SUSD1: variants seen among roughly 807,000 people sequenced by gnomAD.
SUSD1 encodes the protein sushi domain containing 1.
Under a neutral mutation model 86.9 loss-of-function variants are expected in SUSD1, and 65 were observed. That is an observed-to-expected ratio of 0.75 (90% confidence interval 0.61 to 0.92). SUSD1 has a LOEUF of 0.92. Ranked by LOEUF, SUSD1 falls within the 40% of genes least tolerant of loss-of-function variation. The pLI is 0.00. For missense variants in SUSD1, 850 were observed against 929.7 expected (o/e 0.91, Z 1.11); for synonymous variants, 346 against 350.0 (o/e 0.99, Z 0.13).
At position 112,113,654 on chromosome 9, in the gene SUSD1, G is replaced by A. The variant is rs1564306840; in HGVS notation, c.887-786C>T. On this transcript the variant is annotated intron_variant, in intron 6 of 16. Transcript: ENST00000374270. The surrounding 1 kb of genome is among the most constrained non-coding windows in gnomAD (Gnocchi z 4.1). Reference sequence around the variant, plus strand: ...TTTCTTTGAAATCAAATTCCCAGCCGAGTGCAGTGGCTCACACCTGTAATC... The same window carrying A: ...TTTCTTTGAAATCAAATTCCCAGCCAAGTGCAGTGGCTCACACCTGTAATC... 2.6e-5 allele frequency among the ~76,000 whole-genome samples: 4 copies of A among 152,264 alleles called. No homozygotes were observed. Among genetic ancestry groups the A allele is most frequent in the Admixed American group, 1.3e-4 (2 of 15,278 alleles).
chr9:112,047,682 G>A (rs943969060), intron 15 of SUSD1, among the ~76,000 whole-genome samples: 11 of 152,090 alleles, frequency 7.2e-5, no homozygotes, highest in Non-Finnish European at 1.2e-4. Context: ...TCTTGCTCTG[G>A]AGGGGCTGTA....
Position 112,152,442 on chromosome 9 carries a change from C to T in SUSD1, c.218-3043G>A, listed in dbSNP as rs995288407. On this transcript the variant is annotated intron_variant, in intron 2 of 16. Transcript: ENST00000374270. ...CTGGAGACAGGGTCTTGCTCTGTCA[C>T]CCTGACTGGAGTGCAGTGGTGTGAT... Among the ~76,000 whole-genome samples, 22 of 151,420 alleles carry T rather than the reference C, an allele frequency of 1.5e-4. 1 individual carries two copies. The highest frequency in any genetic ancestry group is 3.2e-3 in the Middle Eastern group (1 of 316).
At chr9:112,111,315 T>C (rs754964737) in intron 8 of SUSD1, among the ~76,000 whole-genome samples, 4 of 152,164 alleles carry the variant, frequency 2.6e-5, no homozygotes, top group Non-Finnish European at 5.9e-5. Context: ...TTGAGTTTAC[T>C]ACCAAAGATA....
At chr9:112,112,194 G>A (rs777769908) in intron 7 of SUSD1, 12 of 198,348 alleles carry the variant, frequency 6.0e-5, no homozygotes, top group South Asian at 3.0e-4. Flanking sequence ...ACAAGCAATC[G>A]TGAGGATGCC....
chr9:112,153,193 G>A (rs1833141350), intron 2 of SUSD1, among the ~76,000 whole-genome samples: 1 of 149,924 alleles, frequency 6.7e-6, no homozygotes, highest in African/African-American at 2.5e-5. Flanking sequence ...CTTGAGCCCA[G>A]GAGGCTGAGG....
At chr9:112,121,517 AT>A (rs1416999886) in intron 6 of SUSD1, among the ~76,000 whole-genome samples, 1 of 152,228 alleles carries the variant, frequency 6.6e-6, no homozygotes, top group African/African-American at 2.4e-5. Flanking sequence ...CAAATAGTGT[AT>A]GCTAAATAGA....
chr9:112,064,055 G>GGGC (rs1251584196), intron 12 of SUSD1, among the ~76,000 whole-genome samples: 14 of 136,854 alleles, frequency 1.0e-4, no homozygotes, highest in Admixed American at 1.0e-3. Flanking sequence ...TTGGGGGGGG[G>GGGC]GCGGGTGGGG....
Position 112,041,151 on chromosome 9 carries a change from C to A in SUSD1, c.*341G>T. The A allele has an allele frequency of 2.1e-6, 1 of 472,174 alleles. No homozygotes were observed. The highest frequency in any genetic ancestry group is 4.1e-5 in the South Asian group (1 of 24,354). The allele number at this position is 472,174 out of a possible 1,614,324, so 29.2% of individuals were successfully genotyped here. A position where few individuals can be genotyped will look rare whatever the true frequency, so the allele number is the denominator to read the frequency against. ...GCAGTCAATGTCTAGAGGAGCTGAC[C>A]CTCAGGCATCACTCAGAGGAAGTCC... On this transcript the variant is annotated 3_prime_UTR_variant, in exon 17 of 17. Transcript: ENST00000374270.
At chr9:112,169,242 A>G (rs1833940811) in intron 1 of SUSD1, 1 of 152,012 alleles carries the variant, frequency 6.6e-6, no homozygotes, top group Non-Finnish European at 1.5e-5. Context: ...TCCCACACCC[A>G]CCCAAATTTA....
chr9:112,057,103 T>C (rs993211831), intron 14 of SUSD1, among the ~76,000 whole-genome samples: 1 of 152,058 alleles, frequency 6.6e-6, no homozygotes, highest in Non-Finnish European at 1.5e-5. Flanking sequence ...TCCTAATAAA[T>C]AGAGGAAGAG....
At chr9:112,167,267 T>TTTA (rs1833865725) in intron 1 of SUSD1, among the ~76,000 whole-genome samples, 1 of 152,014 alleles carries the variant, frequency 6.6e-6, no homozygotes, top group Non-Finnish European at 1.5e-5. Context: ...CAGATAATTT[T>TTTA]TTATTATTAT....
chr9:112,093,794 C>T (rs1309432221), intron 10 of SUSD1, among the ~76,000 whole-genome samples: 1 of 152,180 alleles, frequency 6.6e-6, no homozygotes, highest in Non-Finnish European at 1.5e-5. Context: ...AAGATGAGAG[C>T]TCCTGGTCTC....
chr9:112,131,796 C>T (rs929460308), intron 5 of SUSD1, among the ~76,000 whole-genome samples: 1 of 152,176 alleles, frequency 6.6e-6, no homozygotes, highest in African/African-American at 2.4e-5. Flanking sequence ...TGGCTAATTA[C>T]GTTATTAAGT....
intron 8 of SUSD1, among the ~76,000 whole-genome samples, chr9:112,109,782 TA>T (rs1213917748): frequency 1.3e-5 from 2 of 152,258 alleles, no homozygotes; most frequent in African/African-American, 4.8e-5. Flanking sequence ...AGTTTACTAA[TA>T]ATTTTGTAAG....
chr9:112,155,334 T>C lies in SUSD1; in HGVS notation c.217+2166A>G, dbSNP rs540631483. On this transcript the variant is annotated intron_variant, in intron 2 of 16. Coordinates refer to ENST00000374270, the MANE Select transcript of SUSD1 (RefSeq NM_022486.5). ...AGTGAACAGAAAAATTTATCCATTC[T>C]TCTCAACTTCATTTCTATCTCACTG... Among the ~76,000 whole-genome samples the C allele has an allele frequency of 4.1e-4, 63 of 152,080 alleles. 1 individual carries two copies. Among genetic ancestry groups the C allele is most frequent in the African/African-American group, 1.4e-3 (59 of 41,470 alleles).
chr9:112,115,814 A>AAAAAAAAG (rs1564308776), intron 6 of SUSD1, among the ~76,000 whole-genome samples: 8 of 19,240 alleles, frequency 4.2e-4, no homozygotes, highest in Admixed American at 8.8e-4. Context: ...ATTGCAAAAA[A>AAAAAAAAG]AAAAAAAAAG....
At chr9:112,156,318 T>C (rs537930802) in intron 2 of SUSD1, among the ~76,000 whole-genome samples, 18 of 151,964 alleles carry the variant, frequency 1.2e-4, no homozygotes, top group Admixed American at 3.3e-4. Context: ...GAAAATTAGC[T>C]GGGCATGGTG....
intron 1 of SUSD1, among the ~76,000 whole-genome samples, chr9:112,158,662 G>A (rs370183800): frequency 4.8e-4 from 73 of 152,264 alleles, no homozygotes; most frequent in African/African-American, 1.7e-3. Context: ...AAGGAGCTGG[G>A]ATTATAGGTG....
intron 1 of SUSD1, among the ~76,000 whole-genome samples, chr9:112,165,848 GAA>G (rs1479553479): frequency 3.0e-5 from 4 of 131,884 alleles, no homozygotes; most frequent in South Asian, 4.8e-4. Flanking sequence ...GAAAGAAAGA[GAA>G]AGAGAAGGAA....
Sources: gnomAD v4.1 joint callset for allele counts (sites outside exome capture counted in the v4.1 genomes callset) on GRCh38, gnomAD v4.1.1 for gene constraint, Gnocchi (gnomAD v3.1) non-coding constraint, MANE v1.5 for transcripts, NCBI Gene and HGNC (gene_info 2026-07-23, HGNC 2026-07-21) for gene names.